Variants in CHL1 observed in about 807,000 individuals in gnomAD.
The protein encoded by CHL1 is neural cell adhesion molecule L1-like protein.
Under a neutral mutation model 141.9 loss-of-function variants are expected in CHL1, and 96 were observed. The ratio of observed to expected loss-of-function variants is 0.68; its 90% confidence interval spans 0.57 to 0.80. CHL1 has a LOEUF of 0.80. CHL1 is among the 30% of genes least tolerant of loss of function. The probability of loss-of-function intolerance (pLI) is 0.00; values close to 1 mark genes in which losing one functional copy is unlikely to be tolerated. For synonymous variants in CHL1, 613 were observed against 502.2 expected, an observed-to-expected ratio of 1.22 and a Z score of -2.95; for missense variants, 1,820 against 1,457.2, an observed-to-expected ratio of 1.25 and a Z score of -4.05.
rs772799791 is a variant in CHL1 at position 328,164 on chromosome 3, T to C, written c.198-3T>C. 1 of 1,602,190 alleles carries C rather than the reference T, an allele frequency of 6.2e-7. No individual in the cohort carries two copies. Among genetic ancestry groups the C allele is most frequent in the Admixed American group, 1.7e-5 (1 of 58,570 alleles). On this transcript the variant is annotated splice_polypyrimidine_tract_variant and splice_region_variant and intron_variant, in intron 4 of 27. Coordinates refer to ENST00000256509, the MANE Select transcript of CHL1 (RefSeq NM_006614.4). ...GATTATTAAGTTCAGTTTTATGTTT[T>C]AGATTTTCGTGGACTAAGGATGGCA...
At chr3:330,921 A>C (rs1409580892) in intron 5 of CHL1, among the ~76,000 whole-genome samples, 1 of 152,084 alleles carries the variant, frequency 6.6e-6, no homozygotes, top group Non-Finnish European at 1.5e-5. Flanking sequence ...ACATGTGTAA[A>C]AATAGTTGAG....
rs162734 is a variant in CHL1 at position 326,074 on chromosome 3, G to C, written c.197+10G>C. The C allele has an allele frequency of 0.23, 350,768 of 1,555,454 alleles. 52,972 individuals carry two copies. The highest frequency in any genetic ancestry group is 0.77 in the African/African-American group (56,829 of 73,698). On this transcript the variant is annotated intron_variant, in intron 4 of 27. Transcript: ENST00000256509. ...GAAATCCAGAACCAACGTGAGTATT[G>C]TTTCAAACGAAGTGGTTCTTTAAAT... is the stretch of plus-strand genomic sequence containing the variant.
At chr3:335,482 T>C (rs1701789433) in intron 5 of CHL1, among the ~76,000 whole-genome samples, 1 of 151,886 alleles carries the variant, frequency 6.6e-6, no homozygotes, top group African/African-American at 2.4e-5. Flanking sequence ...GAAACCGGAG[T>C]TAGAGGTGAT....
chr3:333,217 T>C (rs917339669), intron 5 of CHL1, among the ~76,000 whole-genome samples: 5 of 147,696 alleles, frequency 3.4e-5, no homozygotes, highest in African/African-American at 1.2e-4. Flanking sequence ...CTGAAATTAC[T>C]TCATCATCTG....
At chr3:381,061 AT>A (rs1706970980) in intron 16 of CHL1, among the ~76,000 whole-genome samples, 1 of 152,176 alleles carries the variant, frequency 6.6e-6, no homozygotes, top group Admixed American at 6.5e-5. Context: ...GCAAATGCAG[AT>A]TCCTGGGCCC....
chr3:284,997 C>G (rs1210674545), intron 2 of CHL1, among the ~76,000 whole-genome samples: 1 of 152,122 alleles, frequency 6.6e-6, no homozygotes, highest in Non-Finnish European at 1.5e-5. Context: ...AAATAGATGT[C>G]TAAAATGAAC....
intron 2 of CHL1, among the ~76,000 whole-genome samples, chr3:278,959 G>A (rs1398658099): frequency 1.3e-5 from 2 of 152,154 alleles, no homozygotes; most frequent in Non-Finnish European, 2.9e-5. Flanking sequence ...ATGGTTTCAA[G>A]CAACCTTGAG....
chr3:255,320 G>A (rs1177818639), intron 2 of CHL1, among the ~76,000 whole-genome samples: 1 of 152,110 alleles, frequency 6.6e-6, no homozygotes, highest in African/African-American at 2.4e-5. Context: ...AAGGCAACAG[G>A]GAAGACTTCC....
intron 25 of CHL1, 93 bp downstream of exon 25, chr3:398,478 CACTG>C: frequency 1.6e-6 from 1 of 643,028 alleles, no homozygotes; most frequent in South Asian, 3.6e-5. Flanking sequence ...AACATAAAAA[CACTG>C]AGTGTATTAA....
chr3:207,562 A>G (rs1699545179), intron 1 of CHL1, among the ~76,000 whole-genome samples: 1 of 152,230 alleles, frequency 6.6e-6, no homozygotes. Flanking sequence ...ACTGCCCACA[A>G]GGGTAAACAT....
chr3:332,605 G>A lies in CHL1; in HGVS notation c.385+4251G>A, dbSNP rs528704917. Among the ~76,000 whole-genome samples, 272 of 152,220 alleles carry A rather than the reference G, an allele frequency of 1.8e-3. 3 individuals carry two copies. The highest frequency in any genetic ancestry group is 0.014 in the South Asian group (69 of 4,828). On this transcript the variant is annotated intron_variant, in intron 5 of 27. Transcript: ENST00000256509. ...GTGTGAAGCATCCCGTTTGTCTCAAGTGGACATTTCTGAGTTACTGAGATA... is the reference window on the plus strand; with the variant it reads ...GTGTGAAGCATCCCGTTTGTCTCAAATGGACATTTCTGAGTTACTGAGATA...
chr3:216,400 T>C (rs550038630), intron 1 of CHL1, among the ~76,000 whole-genome samples: 1 of 152,254 alleles, frequency 6.6e-6, no homozygotes, highest in Non-Finnish European at 1.5e-5. Context: ...GTGTATTCTT[T>C]CTAATGTGAT....
intron 5 of CHL1, among the ~76,000 whole-genome samples, chr3:337,207 T>C (rs1225795517): frequency 1.4e-5 from 2 of 141,432 alleles, no homozygotes; most frequent in African/African-American, 5.4e-5. Context: ...TTTTTTTTTT[T>C]TGAGACGGGG....
At chr3:240,733 T>A (rs944309435) in intron 1 of CHL1, among the ~76,000 whole-genome samples, 3 of 152,102 alleles carry the variant, frequency 2.0e-5, no homozygotes, top group Admixed American at 1.3e-4. Flanking sequence ...TATCGGGTCT[T>A]ATATTTAAGT....
chr3:385,904 G>C (rs990982948), intron 19 of CHL1: 11 of 151,112 alleles, frequency 7.3e-5, no homozygotes, highest in African/African-American at 2.4e-4. Context: ...TAATTGACTA[G>C]AGGAAGGAAG....
At chr3:238,295 A>AGAATATTGACCT (rs1692192472) in intron 1 of CHL1, among the ~76,000 whole-genome samples, 2 of 152,292 alleles carry the variant, frequency 1.3e-5, no homozygotes, top group South Asian at 2.1e-4. Context: ...CAGTTTCTTA[A>AGAATATTGACCT]GAATATTGAC....
At chr3:324,825 A>G (rs1028545662) in intron 3 of CHL1, among the ~76,000 whole-genome samples, 7 of 151,806 alleles carry the variant, frequency 4.6e-5, no homozygotes, top group African/African-American at 1.7e-4. Flanking sequence ...CCTGGGCTTA[A>G]GTGACCTTCC....
At chr3:373,706 G>A (rs2125339854) in intron 15 of CHL1, 1 of 152,448 alleles carries the variant, frequency 6.6e-6, no homozygotes, top group East Asian at 1.9e-4. Context: ...GAGAATCTGT[G>A]GGGCTTCGGG....
At chr3:257,136 A>G (rs6798880) in intron 2 of CHL1, among the ~76,000 whole-genome samples, 1 of 151,882 alleles carries the variant, frequency 6.6e-6, no homozygotes, top group South Asian at 2.1e-4. Context: ...TTCAGTATAT[A>G]CCAGATTATG....
Sources: gnomAD v4.1 joint callset for allele counts (sites outside exome capture counted in the v4.1 genomes callset) on GRCh38, gnomAD v4.1.1 for gene constraint, MANE v1.5 for transcripts, NCBI Gene and HGNC (gene_info 2026-07-23, HGNC 2026-07-21) for gene names.